The following RALYL variants were observed in gnomAD, a reference collection of about 807,000 sequenced individuals.
RALYL encodes the protein RNA-binding Raly-like protein.
Under a neutral mutation model 35.1 loss-of-function variants are expected in RALYL, and 29 were observed. The observed-to-expected ratio is 0.83, with a 90% CI of 0.61 to 1.13. The LOEUF is 1.13. Ranked by LOEUF, RALYL falls within the 50% of genes most tolerant of loss-of-function variation. The pLI, the probability that RALYL is intolerant of heterozygous loss-of-function variation, is 0.00. For synonymous variants in RALYL, 120 were observed against 127.6 expected (o/e 0.94, Z 0.40); for missense variants, 359 against 360.4 (o/e 1.00, Z 0.03).
At chr8:84,453,633 CAATT>C (rs140120817) in intron 1 of RALYL, among the ~76,000 whole-genome samples, 8,509 of 151,944 alleles carry the variant, frequency 0.056, 550 homozygotes, top group African/African-American at 0.16. Context: ...AAGGAAAGGA[CAATT>C]AATTTAATCT....
chr8:84,464,646 G>A (rs2051299449), intron 1 of RALYL, among the ~76,000 whole-genome samples: 1 of 151,826 alleles, frequency 6.6e-6, no homozygotes. Flanking sequence ...AGTCCTTTGG[G>A]TATATACCCA....
chr8:84,773,836 A>G (rs1816177409), intron 2 of RALYL, among the ~76,000 whole-genome samples: 2 of 152,180 alleles, frequency 1.3e-5, no homozygotes, highest in Admixed American at 1.3e-4. Flanking sequence ...TATGAACAGA[A>G]CTCTATTTCA....
chr8:84,523,592 G>A (rs2058647633), intron 1 of RALYL, among the ~76,000 whole-genome samples: 1 of 150,888 alleles, frequency 6.6e-6, no homozygotes, highest in Non-Finnish European at 1.5e-5. Context: ...GTATACATGT[G>A]CCATGCTGGT....
Position 84,557,154 on chromosome 8 carries a change from T to C in RALYL, c.256+27577T>C, listed in dbSNP as rs558858655. Among the ~76,000 whole-genome samples the C allele has an allele frequency of 2.0e-5, 3 of 152,280 alleles. No homozygotes were observed. The South Asian group carries it at 6.2e-4, about 32-fold the overall frequency. On this transcript the variant is annotated intron_variant, in intron 2 of 8. Coordinates refer to ENST00000521268, the MANE Select transcript of RALYL (RefSeq NM_173848.7). ...TTCACCCCGTGTAGCCAGAATAGTT[T>C]TGTTGCCCTGGTGCCAGGAAAAGAC...
intron 2 of RALYL, among the ~76,000 whole-genome samples, chr8:84,570,486 A>C (rs1390716572): frequency 6.6e-6 from 1 of 151,794 alleles, no homozygotes; most frequent in Non-Finnish European, 1.5e-5. Context: ...TTTCAGAGGA[A>C]TCTTAGGGTT....
intron 1 of RALYL, among the ~76,000 whole-genome samples, chr8:84,195,772 G>C (rs1815127142): frequency 6.6e-6 from 1 of 152,122 alleles, no homozygotes; most frequent in African/African-American, 2.4e-5. Context: ...AGGGGGCCAA[G>C]TGAGAGGAAC....
chr8:84,514,001 A>G (rs1466141286), intron 1 of RALYL, among the ~76,000 whole-genome samples: 3 of 148,274 alleles, frequency 2.0e-5, no homozygotes, highest in Admixed American at 1.4e-4. Context: ...AGGCTGAGGC[A>G]GGAGAATCAC....
At chr8:84,519,755 T>C (rs1306087132) in intron 1 of RALYL, among the ~76,000 whole-genome samples, 2 of 152,202 alleles carry the variant, frequency 1.3e-5, no homozygotes, top group Non-Finnish European at 1.5e-5. Flanking sequence ...AACAAGGGGA[T>C]GATATGAATA....
At chr8:84,541,863 C>A (rs999968351) in intron 2 of RALYL, among the ~76,000 whole-genome samples, 2 of 151,970 alleles carry the variant, frequency 1.3e-5, no homozygotes, top group African/African-American at 2.4e-5. Flanking sequence ...TCTTAATATT[C>A]CTTAACTCAC....
At chr8:84,372,886 G>GTTTTTTTTTTTTTGTTTTT (rs1856071710) in intron 1 of RALYL, among the ~76,000 whole-genome samples, 1 of 39,064 alleles carries the variant, frequency 2.6e-5, no homozygotes, top group Non-Finnish European at 4.5e-5. Flanking sequence ...GCCAGCATCT[G>GTTTTTTTTTTTTTGTTTTT]TTTTTTTTTT....
At position 84,476,909 on chromosome 8, in the gene RALYL, CA is replaced by C. The variant is rs565931542; in HGVS notation, c.-23-52386del. ...GGCTCATCTGAATATACATTCATAGCAAAACAGACTCTGTTATATCAGATTT... is the reference window on the plus strand; with the variant it reads ...GGCTCATCTGAATATACATTCATAGCAAACAGACTCTGTTATATCAGATTT... On this transcript the variant is annotated intron_variant, in intron 1 of 8. Transcript: ENST00000521268. 1.6e-4 allele frequency among the ~76,000 whole-genome samples: 24 copies of C among 152,214 alleles called. No homozygotes were observed. In the East Asian group the frequency reaches 4.2e-3, roughly 27 times the overall value.
intron 2 of RALYL, among the ~76,000 whole-genome samples, chr8:84,664,135 G>A (rs1831458942): frequency 6.6e-6 from 1 of 151,986 alleles, no homozygotes; most frequent in Non-Finnish European, 1.5e-5. Context: ...TAGGTGTGTG[G>A]ACTTATTTCT....
chr8:84,618,414 G>A (rs1820390185), intron 2 of RALYL, among the ~76,000 whole-genome samples: 1 of 151,072 alleles, frequency 6.6e-6, no homozygotes, highest in Admixed American at 6.6e-5. Context: ...ATGGTAGTTT[G>A]TATTTCTGTG....
chr8:84,735,270 A>G (rs1343188650), intron 2 of RALYL, among the ~76,000 whole-genome samples: 2 of 152,022 alleles, frequency 1.3e-5, no homozygotes, highest in Non-Finnish European at 2.9e-5. Flanking sequence ...GACCTAAAAC[A>G]GTGTCTGCCA....
At chr8:84,263,846 T>C (rs929428397) in intron 1 of RALYL, among the ~76,000 whole-genome samples, 1 of 152,188 alleles carries the variant, frequency 6.6e-6, no homozygotes. Flanking sequence ...CTCCCACTTA[T>C]AAGTGAGAAC....
chr8:84,918,624 G>A (rs1848837569), intron 8 of RALYL, among the ~76,000 whole-genome samples: 1 of 152,058 alleles, frequency 6.6e-6, no homozygotes, highest in Non-Finnish European at 1.5e-5. Context: ...TAAGAAAAAA[G>A]CAATATGAAT....
chr8:84,723,487 A>G (rs1019587577), intron 2 of RALYL, among the ~76,000 whole-genome samples: 3 of 151,980 alleles, frequency 2.0e-5, no homozygotes, highest in Non-Finnish European at 2.9e-5. Flanking sequence ...GTTTTTATAA[A>G]CATAACCCAG....
chr8:84,676,362 G>T (rs904255719), intron 2 of RALYL, among the ~76,000 whole-genome samples: 2 of 152,278 alleles, frequency 1.3e-5, no homozygotes, highest in South Asian at 4.1e-4. Context: ...GTCTTAGTTT[G>T]TGGCTTGCAT....
chr8:84,260,789 C>A (rs1186684068), intron 1 of RALYL, among the ~76,000 whole-genome samples: 1 of 152,102 alleles, frequency 6.6e-6, no homozygotes, highest in African/African-American at 2.4e-5. Flanking sequence ...ATCATAGAAC[C>A]AGTTACCTAA....
Sources: allele counts gnomAD v4.1 joint callset (sites outside exome capture counted in the v4.1 genomes callset), GRCh38; gene constraint gnomAD v4.1.1; transcripts MANE v1.5; gene names NCBI Gene and HGNC (gene_info 2026-07-23, HGNC 2026-07-21).